SPEM3: variants seen among roughly 807,000 people sequenced by gnomAD.
The protein encoded by SPEM3 is SPEM family member 3.
rs1907787231 is a variant in SPEM3 at position 7,430,247 on chromosome 17, C to T, written c.1076C>T (p.Pro359Leu). The change falls in exon 3 of 3, where the codon CCA (proline) becomes CTA (leucine). Residue 359 changes from proline (P) to leucine (L), a missense_variant. Physicochemically the swap from Pro to Leu is moderately conservative, Grantham distance 98 (BLOSUM62 -3). Transcript: ENST00000636696. ...YTSAHAPAYI[P>L]DHSHLVRSSV... ...TCAGCCCATGCCCCAGCGTATATCC[C>T]AGACCACTCTCATCTAGTCCGCAGC... 7.3e-6 allele frequency: 3 copies of T among 412,532 alleles called. No homozygotes were observed. The highest frequency in any genetic ancestry group is 4.4e-5 in the Admixed American group (1 of 22,800). 25.6% of individuals were successfully genotyped at this position (412,532 alleles called of 1,614,324 possible).
In SPEM3 at chr17:7,432,370, C is replaced by T. The variant is rs2150828135; in HGVS notation, c.3199C>T (p.Leu1067Phe). ...GAAGGAGGACGCACAGCGGCACGTCCTCTGGGCTCGTGTCCAACTCAATGA... is the reference window on the plus strand; with the variant it reads ...GAAGGAGGACGCACAGCGGCACGTCTTCTGGGCTCGTGTCCAACTCAATGA... ...AQKEDAQRHV[L>F]WARVQLNENS... The change falls in exon 3 of 3, where the codon CTC (leucine) becomes TTC (phenylalanine). Residue 1067 changes from leucine (L) to phenylalanine (F), a missense_variant. Transcript: ENST00000636696. This position sits in a 1 kb window ranked among gnomAD's most constrained non-coding sequence, Gnocchi z 4.1. 2.5e-6 allele frequency: 1 copy of T among 398,702 alleles called. No homozygotes were observed. The highest frequency in any genetic ancestry group is 4.4e-6 in the Non-Finnish European group (1 of 226,098). 24.7% of individuals were successfully genotyped at this position (398,702 alleles called of 1,614,324 possible).
Position 7,432,139 on chromosome 17 carries a change from G to A in SPEM3, c.2968G>A (p.Val990Ile). The part of the protein sequence containing the change: ...DPGPHKDPAL[V>I]QDSGLPKISG... Reference sequence around the variant, plus strand: ...TGGCCCCCATAAAGACCCAGCCCTTGTCCAAGACTCTGGCCTCCCCAAGAT... The same window carrying A: ...TGGCCCCCATAAAGACCCAGCCCTTATCCAAGACTCTGGCCTCCCCAAGAT... The change falls in exon 3 of 3, where the codon GTC (valine) becomes ATC (isoleucine). Residue 990 changes from valine (V) to isoleucine (I), a missense_variant. By Grantham distance (29) the Val-to-Ile change is conservative (BLOSUM62 3). Transcript: ENST00000636696. This position sits in a 1 kb window ranked among gnomAD's most constrained non-coding sequence, Gnocchi z 4.1. 1 of 398,636 alleles carries A rather than the reference G, an allele frequency of 2.5e-6. No homozygotes were observed. The highest frequency in any genetic ancestry group is 3.6e-5 in the East Asian group (1 of 28,078). 24.7% of individuals were successfully genotyped at this position (398,636 alleles called of 1,614,324 possible).
At position 7,431,480 on chromosome 17, in the gene SPEM3, T is replaced by A. The variant is rs1907831303; in HGVS notation, c.2309T>A (p.Ile770Asn). 2.5e-6 allele frequency: 1 copy of A among 398,462 alleles called. No individual in the cohort carries two copies. The highest frequency in any genetic ancestry group is 2.1e-5 in the African/African-American group (1 of 48,614). The allele number at this position is 398,462 out of a possible 1,614,324, so 24.7% of individuals were successfully genotyped here. ...ACAGGTCTGACTCAAGAAGCTGGTA[T>A]CCTTAGGAGCCCATGTCTCACCCAA... ...KNTGLTQEAG[I>N]LRSPCLTQSP... The change falls in exon 3 of 3, where the codon ATC becomes AAC. Residue 770 changes from isoleucine to asparagine, a missense_variant. Physicochemically the swap from Ile to Asn is moderately radical, Grantham distance 149. Coordinates refer to ENST00000636696, the MANE Select transcript of SPEM3 (RefSeq NM_001364708.1).
chr17:7,430,868 A>G lies in SPEM3; in HGVS notation c.1697A>G (p.Tyr566Cys), dbSNP rs78819937. 0.017 allele frequency: 6,604 copies of G among 398,150 alleles called. 356 individuals carry two copies. Among genetic ancestry groups the G allele is most frequent in the African/African-American group, 0.12 (5,950 of 48,514 alleles). The allele number at this position is 398,150 out of a possible 1,614,324, so 24.7% of individuals were successfully genotyped here. The change falls in exon 3 of 3, where the codon TAC becomes TGC. Residue 566 changes from tyrosine to cysteine, a missense_variant. Tyr to Cys is a radical substitution (Grantham distance 194). Transcript: ENST00000636696. ...CCATTCTACCCCAAATTCCTTGCCT[A>G]CTCCCGGGATACTGCATGTGCCAAG... ...QAPFYPKFLA[Y>C]SRDTACAKTC... is the part of the protein sequence containing the mutation.
rs778125421 is a variant in SPEM3 at position 7,429,861 on chromosome 17, G to A, written c.690G>A (p.Thr230=). The A allele has an allele frequency of 8.3e-5, 31 of 375,590 alleles. No individual in the cohort carries two copies. The highest frequency in any genetic ancestry group is 1.2e-4 in the South Asian group (1 of 8,192). 23.3% of individuals were successfully genotyped at this position (375,590 alleles called of 1,614,324 possible). The part of the protein sequence containing the change: ...CTPTHPWTRS[T]DHTAVHTPAH... ...CAACCCACCCCTGGACCCGCTCCAC[G>A]GACCACACCGCTGTGCACACCCCTG... Residue 230 remains threonine, a synonymous_variant, in exon 3 of 3, where the codon ACG becomes ACA. Transcript: ENST00000636696. The surrounding 1 kb of genome is among the most constrained non-coding windows in gnomAD (Gnocchi z 4.9).
Position 7,432,560 on chromosome 17 carries a change from A to G in SPEM3, c.3389A>G (p.Gln1130Arg), listed in dbSNP as rs1220183495. The G allele has an allele frequency of 7.5e-6, 3 of 398,608 alleles. No homozygotes were observed. Among genetic ancestry groups the G allele is most frequent in the African/African-American group, 6.2e-5 (3 of 48,660 alleles). The allele number at this position is 398,608 out of a possible 1,614,324, so 24.7% of individuals were successfully genotyped here. A position where few individuals can be genotyped will look rare whatever the true frequency, so the allele number is the denominator to read the frequency against. The change falls in exon 3 of 3, where the codon CAG (glutamine) becomes CGG (arginine). Residue 1130 changes from glutamine (Q) to arginine (R), a missense_variant. Coordinates refer to ENST00000636696, the MANE Select transcript of SPEM3 (RefSeq NM_001364708.1). The surrounding 1 kb of genome is among the most constrained non-coding windows in gnomAD (Gnocchi z 4.1). ...CCTTCAGGCTACCAGAACTATCGTC[A>G]GATGTCTATGCCTACCCATATCAAC... ...TVPSGYQNYR[Q>R]MSMPTHINWK... is the part of the protein sequence containing the mutation.
chr17:7,429,070 G>C lies in SPEM3; in HGVS notation c.138+30G>C, dbSNP rs75567815. On this transcript the variant is annotated intron_variant, in intron 1 of 2. Coordinates refer to ENST00000636696, the MANE Select transcript of SPEM3 (RefSeq NM_001364708.1). The surrounding 1 kb of genome is among the most constrained non-coding windows in gnomAD (Gnocchi z 4.9). ...GGGCAGGATCTGGGTAGCAGGGTTG[G>C]GGGAGCCCTGGGGTCTTGAAGGGGC... The C allele has an allele frequency of 6.1e-3, 2,431 of 398,964 alleles. 53 individuals are homozygous for C. The highest frequency in any genetic ancestry group is 0.046 in the African/African-American group (2,235 of 48,748). The allele number at this position is 398,964 out of a possible 1,614,324, so 24.7% of individuals were successfully genotyped here. A position where few individuals can be genotyped will look rare whatever the true frequency, so the allele number is the denominator to read the frequency against.
chr17:7,431,618 C>G lies in SPEM3; in HGVS notation c.2447C>G (p.Thr816Ser), dbSNP rs917309609. The G allele has an allele frequency of 2.5e-6, 1 of 398,482 alleles. No homozygotes were observed. Among genetic ancestry groups the G allele is most frequent in the Non-Finnish European group, 4.4e-6 (1 of 226,072 alleles). The allele number at this position is 398,482 out of a possible 1,614,324, so 24.7% of individuals were successfully genotyped here. Residue 816 changes from threonine to serine, a missense_variant, in exon 3 of 3, where the codon ACT becomes AGT. By Grantham distance (58) the Thr-to-Ser change is moderately conservative (BLOSUM62 1). Transcript: ENST00000636696. The part of the protein sequence containing the change: ...IYRNLEPNQE[T>S]VIYKNQDLSQ... ...AGGAATCTTGAACCAAACCAAGAGA[C>G]TGTGATCTACAAAAATCAAGATCTC... is the stretch of plus-strand genomic sequence containing the variant.
Position 7,430,448 on chromosome 17 carries a change from C to T in SPEM3, c.1277C>T (p.Pro426Leu). Reference protein sequence around the residue: ...PVPDPVPATTPAPIITPIPST... With the variant: ...PVPDPVPATTLAPIITPIPST... ...CCTGATCCTGTCCCTGCCACCACCC[C>T]TGCCCCTATCATAACTCCTATACCC... is the stretch of plus-strand genomic sequence containing the variant. Residue 426 changes from proline (P) to leucine (L), a missense_variant, in exon 3 of 3, where the codon CCT becomes CTT. Physicochemically the swap from Pro to Leu is moderately conservative, Grantham distance 98 (BLOSUM62 -3). Transcript: ENST00000636696. 7.4e-6 allele frequency: 3 copies of T among 403,446 alleles called. No homozygotes were observed. Among genetic ancestry groups the T allele is most frequent in the Non-Finnish European group, 1.3e-5 (3 of 229,224 alleles). 25.0% of individuals were successfully genotyped at this position (403,446 alleles called of 1,614,324 possible). A position where few individuals can be genotyped will look rare whatever the true frequency, so the allele number is the denominator to read the frequency against.
In SPEM3 at chr17:7,429,950, C is replaced by A; in HGVS notation, c.779C>A (p.Thr260Asn). 2.4e-6 allele frequency: 1 copy of A among 423,026 alleles called. No individual in the cohort carries two copies. Among genetic ancestry groups the A allele is most frequent in the Non-Finnish European group, 4.1e-6 (1 of 241,386 alleles). The allele number at this position is 423,026 out of a possible 1,614,324, so 26.2% of individuals were successfully genotyped here. A position where few individuals can be genotyped will look rare whatever the true frequency, so the allele number is the denominator to read the frequency against. ...PEGTHSQAQDTSAQAQAHTSA... is the reference protein window; with the variant it reads ...PEGTHSQAQDNSAQAQAHTSA... ...GGCACCCACTCCCAGGCCCAGGACA[C>A]CTCAGCCCAGGCCCAAGCCCACACC... The change falls in exon 3 of 3, where the codon ACC (threonine) becomes AAC (asparagine). Residue 260 changes from threonine to asparagine, a missense_variant. By Grantham distance (65) the Thr-to-Asn change is moderately conservative. Transcript: ENST00000636696. The surrounding 1 kb of genome is among the most constrained non-coding windows in gnomAD (Gnocchi z 4.9).
In SPEM3 at chr17:7,432,700, C is replaced by T; in HGVS notation, c.3529C>T (p.Leu1177Phe). Residue 1177 changes from leucine to phenylalanine, a missense_variant, in exon 3 of 3, where the codon CTT becomes TTT. Physicochemically the swap from Leu to Phe is conservative, Grantham distance 22. Coordinates refer to ENST00000636696, the MANE Select transcript of SPEM3 (RefSeq NM_001364708.1). This position sits in a 1 kb window ranked among gnomAD's most constrained non-coding sequence, Gnocchi z 4.1. ...DKCEALSPRRLHQEAPSNSGK... is the reference protein window; with the variant it reads ...DKCEALSPRRFHQEAPSNSGK... ...GTGTGAAGCTCTGTCTCCTAGGCGC[C>T]TTCATCAAGAGGCACCCAGCAACTC... 1 of 398,652 alleles carries T rather than the reference C, an allele frequency of 2.5e-6. No homozygotes were observed. Among genetic ancestry groups the T allele is most frequent in the Admixed American group, 4.4e-5 (1 of 22,738 alleles). The allele number at this position is 398,652 out of a possible 1,614,324, so 24.7% of individuals were successfully genotyped here. A position where few individuals can be genotyped will look rare whatever the true frequency, so the allele number is the denominator to read the frequency against.
At position 7,430,479 on chromosome 17, in the gene SPEM3, C is replaced by G. The variant is rs1295555019; in HGVS notation, c.1308C>G (p.Thr436=). 7.5e-6 allele frequency: 3 copies of G among 399,432 alleles called. No individual in the cohort carries two copies. The highest frequency in any genetic ancestry group is 4.1e-5 in the African/African-American group (2 of 48,610). 24.7% of individuals were successfully genotyped at this position (399,432 alleles called of 1,614,324 possible). The change falls in exon 3 of 3, where the codon ACC becomes ACG. Residue 436 remains threonine, a synonymous_variant. Coordinates refer to ENST00000636696, the MANE Select transcript of SPEM3 (RefSeq NM_001364708.1). ...PAPIITPIPS[T]PPAFSHDLST... is the part of the protein sequence containing the mutation. Reference sequence around the variant, plus strand: ...CTATCATAACTCCTATACCCTCTACCCCACCTGCCTTCAGCCATGACCTCT... The same window carrying G: ...CTATCATAACTCCTATACCCTCTACGCCACCTGCCTTCAGCCATGACCTCT...
Position 7,429,819 on chromosome 17 carries a change from C to A in SPEM3, c.648C>A (p.His216Gln). ...AGGCCCAGGTCCACTCCCCAACCCA[C>A]ACTCCTGTGTGCACCCCAACCCACC... The part of the protein sequence containing the change: ...PAQAQVHSPT[H>Q]TPVCTPTHPW... Residue 216 changes from histidine to glutamine, a missense_variant, in exon 3 of 3, where the codon CAC becomes CAA. Coordinates refer to ENST00000636696, the MANE Select transcript of SPEM3 (RefSeq NM_001364708.1). This position sits in a 1 kb window ranked among gnomAD's most constrained non-coding sequence, Gnocchi z 4.9. 2.5e-6 allele frequency: 1 copy of A among 400,926 alleles called. No individual in the cohort carries two copies. The highest frequency in any genetic ancestry group is 4.4e-6 in the Non-Finnish European group (1 of 227,748). The allele number at this position is 400,926 out of a possible 1,614,324, so 24.8% of individuals were successfully genotyped here. A position where few individuals can be genotyped will look rare whatever the true frequency, so the allele number is the denominator to read the frequency against.
In SPEM3 at chr17:7,431,985, C is replaced by T. The variant is rs1489358945; in HGVS notation, c.2814C>T (p.Leu938=). 2.5e-6 allele frequency: 1 copy of T among 398,502 alleles called. No individual in the cohort carries two copies. Among genetic ancestry groups the T allele is most frequent in the Non-Finnish European group, 4.4e-6 (1 of 226,082 alleles). The allele number at this position is 398,502 out of a possible 1,614,324, so 24.7% of individuals were successfully genotyped here. ...AAGGCCTTACTCAAGATTCCAACCT[C>T]CCAAGCCTTACCCAAGCCACTAAAG... The part of the protein sequence containing the change: ...KVKGLTQDSN[L]PSLTQATKVE... The change falls in exon 3 of 3, where the codon CTC becomes CTT. Residue 938 remains leucine (L), a synonymous_variant. Coordinates refer to ENST00000636696, the MANE Select transcript of SPEM3 (RefSeq NM_001364708.1).
In SPEM3 at chr17:7,432,614, C is replaced by G. The variant is rs1381879938; in HGVS notation, c.3443C>G (p.Thr1148Ser). 1 of 398,578 alleles carries G rather than the reference C, an allele frequency of 2.5e-6. No homozygotes were observed. The highest frequency in any genetic ancestry group is 4.4e-5 in the Admixed American group (1 of 22,724). The allele number at this position is 398,578 out of a possible 1,614,324, so 24.7% of individuals were successfully genotyped here. Residue 1148 changes from threonine (T) to serine (S), a missense_variant, in exon 3 of 3, where the codon ACC (threonine) becomes AGC (serine). Thr to Ser is a moderately conservative substitution (Grantham distance 58). Transcript: ENST00000636696. The surrounding 1 kb of genome is among the most constrained non-coding windows in gnomAD (Gnocchi z 4.1). ...NWKSHCPGPG[T>S]QAGHVVFDAR... ...AAGTCCCACTGCCCTGGACCAGGCA[C>G]CCAGGCAGGGCATGTGGTTTTTGAT...
Position 7,432,393 on chromosome 17 carries a change from T to G in SPEM3, c.3222T>G (p.Asn1074Lys). The G allele has an allele frequency of 2.5e-6, 1 of 398,684 alleles. No individual in the cohort carries two copies. Among genetic ancestry groups the G allele is most frequent in the Non-Finnish European group, 4.4e-6 (1 of 226,092 alleles). 24.7% of individuals were successfully genotyped at this position (398,684 alleles called of 1,614,324 possible). A position where few individuals can be genotyped will look rare whatever the true frequency, so the allele number is the denominator to read the frequency against. The change falls in exon 3 of 3, where the codon AAT (asparagine) becomes AAG (lysine). Residue 1074 changes from asparagine (N) to lysine (K), a missense_variant. Asn to Lys is a moderately conservative substitution (Grantham distance 94, BLOSUM62 0). Coordinates refer to ENST00000636696, the MANE Select transcript of SPEM3 (RefSeq NM_001364708.1). The surrounding 1 kb of genome is among the most constrained non-coding windows in gnomAD (Gnocchi z 4.1). ...RHVLWARVQL[N>K]ENSCPSKAQV... is the part of the protein sequence containing the mutation. ...TCCTCTGGGCTCGTGTCCAACTCAA[T>G]GAGAACTCCTGCCCTTCCAAGGCCC... is the stretch of plus-strand genomic sequence containing the variant.
In SPEM3 at chr17:7,429,268, G is replaced by C. The variant is rs1597734624; in HGVS notation, c.196+21G>C. ...CAAAGGTGAGTGGGCCCCTGTATGG[G>C]CTCCCAGGGATATGGGCCTGTCCCC... On this transcript the variant is annotated intron_variant, in intron 2 of 2. Transcript: ENST00000636696. This position sits in a 1 kb window ranked among gnomAD's most constrained non-coding sequence, Gnocchi z 4.9. The C allele has an allele frequency of 7.5e-6, 3 of 398,410 alleles. No individual in the cohort carries two copies. Among genetic ancestry groups the C allele is most frequent in the African/African-American group, 6.2e-5 (3 of 48,574 alleles). The allele number at this position is 398,410 out of a possible 1,614,324, so 24.7% of individuals were successfully genotyped here.
Position 7,430,027 on chromosome 17 carries a change from G to T in SPEM3, c.856G>T (p.Ala286Ser). 1 of 416,024 alleles carries T rather than the reference G, an allele frequency of 2.4e-6. No homozygotes were observed. The highest frequency in any genetic ancestry group is 4.2e-6 in the Non-Finnish European group (1 of 237,720). 25.8% of individuals were successfully genotyped at this position (416,024 alleles called of 1,614,324 possible). The change falls in exon 3 of 3, where the codon GCC becomes TCC. Residue 286 changes from alanine to serine, a missense_variant. Transcript: ENST00000636696. ...TPAHIQAHTP[A>S]PTPAKASAHT... is the part of the protein sequence containing the mutation. ...AGCCCACATCCAAGCTCACACCCCA[G>T]CCCCTACACCGGCCAAGGCCTCAGC...
rs546694187 is a variant in SPEM3, at chr17:7,430,594, G to C, written c.1423G>C (p.Asp475His). ...SPQNPEYSRK[D>H]LATLFRPQEG... is the part of the protein sequence containing the mutation. Reference sequence around the variant, plus strand: ...CCAGAACCCTGAGTATTCAAGAAAAGACTTGGCTACCCTCTTCAGGCCCCA... The same window carrying C: ...CCAGAACCCTGAGTATTCAAGAAAACACTTGGCTACCCTCTTCAGGCCCCA... Residue 475 changes from aspartate (D) to histidine (H), a missense_variant, in exon 3 of 3, where the codon GAC becomes CAC. Asp to His is a moderately conservative substitution (Grantham distance 81). Coordinates refer to ENST00000636696, the MANE Select transcript of SPEM3 (RefSeq NM_001364708.1). 1 of 398,796 alleles carries C rather than the reference G, an allele frequency of 2.5e-6. No homozygotes were observed. The highest frequency in any genetic ancestry group is 3.6e-5 in the East Asian group (1 of 28,082). 24.7% of individuals were successfully genotyped at this position (398,796 alleles called of 1,614,324 possible).
Sources: gnomAD v4.1 joint callset for allele counts on GRCh38, gnomAD v4.1.1 for gene constraint, Gnocchi (gnomAD v3.1) non-coding constraint, MANE v1.5 for transcripts, NCBI Gene and HGNC (gene_info 2026-07-23, HGNC 2026-07-21) for gene names.